The following ADARB2 variants were observed in gnomAD, a reference collection of about 807,000 sequenced individuals.
The protein encoded by ADARB2 is adenosine deaminase RNA specific B2 (inactive), also known as inactive double-stranded RNA-specific editase B2.
In ADARB2, 25 loss-of-function variants were observed where a neutral mutation model predicts 62.2. That is an observed-to-expected ratio of 0.40 (90% CI 0.29 to 0.56). ADARB2 has a LOEUF of 0.56. Ranked by LOEUF, ADARB2 falls within the 20% of genes least tolerant of loss-of-function variation. The pLI, the probability that ADARB2 is intolerant of heterozygous loss-of-function variation, is 0.43. For missense variants in ADARB2, 1,071 were observed against 1,077.4 expected (o/e 0.99, Z 0.08); for synonymous variants, 572 against 500.8 (o/e 1.14, Z -1.90).
At chr10:1,394,670 C>T (rs567610894) in intron 1 of ADARB2, among the ~76,000 whole-genome samples, 3 of 152,300 alleles carry the variant, frequency 2.0e-5, no homozygotes, top group East Asian at 3.9e-4. Context: ...GCAAGTCAGG[C>T]CCACTGGGCT....
chr10:1,242,636 C>G (rs568311644), intron 4 of ADARB2, among the ~76,000 whole-genome samples: 4 of 152,322 alleles, frequency 2.6e-5, no homozygotes, highest in African/African-American at 9.6e-5. Context: ...AGTCCCAGGT[C>G]CCCTGTGAGT....
At chr10:1,279,480 T>G (rs1209942795) in intron 3 of ADARB2, among the ~76,000 whole-genome samples, 2 of 152,200 alleles carry the variant, frequency 1.3e-5, no homozygotes, top group Non-Finnish European at 2.9e-5. Flanking sequence ...CATACCTGGC[T>G]AATTTTTCAG....
intron 6 of ADARB2, among the ~76,000 whole-genome samples, chr10:1,217,377 T>C (rs1213456718): frequency 1.3e-5 from 2 of 152,176 alleles, no homozygotes; most frequent in African/African-American, 4.8e-5. Context: ...AGACTCTCTT[T>C]TCACCAACAC....
intron 1 of ADARB2, among the ~76,000 whole-genome samples, chr10:1,668,203 C>T (rs1834337449): frequency 1.3e-5 from 2 of 152,224 alleles, no homozygotes. Context: ...GGTTCAGTCT[C>T]TCTCTCCGGT....
intron 8 of ADARB2, among the ~76,000 whole-genome samples, chr10:1,185,586 C>T (rs1176747147): frequency 6.6e-6 from 1 of 152,210 alleles, no homozygotes; most frequent in Non-Finnish European, 1.5e-5. Context: ...GCACTGGCTA[C>T]AGAGTGTTTG....
At chr10:1,519,291 T>C (rs984382206) in intron 1 of ADARB2, among the ~76,000 whole-genome samples, 3 of 152,204 alleles carry the variant, frequency 2.0e-5, no homozygotes, top group African/African-American at 7.2e-5. Context: ...GCATTCCATG[T>C]AACATCTGCA....
intron 4 of ADARB2, among the ~76,000 whole-genome samples, chr10:1,268,920 C>G (rs578204868): frequency 6.6e-6 from 1 of 152,178 alleles, no homozygotes; most frequent in Non-Finnish European, 1.5e-5. Flanking sequence ...TACTATTTTC[C>G]ACATGAAGTT....
Position 1,516,549 on chromosome 10 carries a change from G to C in ADARB2, c.101-137389C>G, listed in dbSNP as rs118140723. On this transcript the variant is annotated intron_variant, in intron 1 of 9. Transcript: ENST00000381312. ...CTGTGTGGGCTGCTCTGCTCTGTGC[G>C]GGCTGCTGTGTGCTGTGCGGGCTGC... 2.6e-5 allele frequency among the ~76,000 whole-genome samples: 4 copies of C among 151,654 alleles called. No homozygotes were observed. The South Asian group carries it at 6.4e-4, about 24-fold the overall frequency.
At chr10:1,736,443 A>C (rs1383766669) in intron 1 of ADARB2, among the ~76,000 whole-genome samples, 2 of 152,054 alleles carry the variant, frequency 1.3e-5, no homozygotes, top group Admixed American at 6.6e-5. Context: ...TTTTTCTACC[A>C]CTAACAAAAT....
chr10:1,695,787 T>C (rs1834733575), intron 1 of ADARB2, among the ~76,000 whole-genome samples: 1 of 152,090 alleles, frequency 6.6e-6, no homozygotes. Context: ...TGCATACACA[T>C]GGGTGCATGT....
intron 1 of ADARB2, among the ~76,000 whole-genome samples, chr10:1,513,299 C>G (rs1466233449): frequency 6.6e-6 from 1 of 152,312 alleles, no homozygotes; most frequent in South Asian, 2.1e-4. Context: ...AATGACAAAG[C>G]GTAACTAGAA....
intron 1 of ADARB2, among the ~76,000 whole-genome samples, chr10:1,565,855 T>A: frequency 6.6e-6 from 1 of 152,056 alleles, no homozygotes; most frequent in Non-Finnish European, 1.5e-5. Context: ...TTCACGCGCT[T>A]CTCCGTGGTG....
chr10:1,418,632 A>G (rs993943101), intron 1 of ADARB2, among the ~76,000 whole-genome samples: 9 of 152,192 alleles, frequency 5.9e-5, no homozygotes, highest in Non-Finnish European at 1.2e-4. Context: ...TTCCGCTATT[A>G]TCTTTCACAC....
chr10:1,468,952 G>T (rs949665392), intron 1 of ADARB2, among the ~76,000 whole-genome samples: 1 of 152,180 alleles, frequency 6.6e-6, no homozygotes, highest in Admixed American at 6.5e-5. Flanking sequence ...AGCTTAGAAC[G>T]TCGGGGTGTC....
intron 1 of ADARB2, among the ~76,000 whole-genome samples, chr10:1,403,402 A>AAGG (rs992961861): frequency 2.7e-4 from 41 of 152,324 alleles, no homozygotes; most frequent in African/African-American, 9.9e-4. Flanking sequence ...ATGCAGGAGC[A>AAGG]AGGCTAAGCT....
intron 8 of ADARB2, among the ~76,000 whole-genome samples, chr10:1,195,148 C>T (rs1836892535): frequency 6.6e-6 from 1 of 152,174 alleles, no homozygotes; most frequent in Admixed American, 6.5e-5. Context: ...CTCAGGGACT[C>T]TTACAGGAAA....
chr10:1,655,109 C>T (rs1834158087), intron 1 of ADARB2, among the ~76,000 whole-genome samples: 1 of 152,214 alleles, frequency 6.6e-6, no homozygotes, highest in Non-Finnish European at 1.5e-5. Flanking sequence ...CCAGCAGGGG[C>T]AGGGTTAGCC....
chr10:1,304,720 T>A (rs1831609621), intron 3 of ADARB2, among the ~76,000 whole-genome samples: 1 of 147,816 alleles, frequency 6.8e-6, no homozygotes, highest in Non-Finnish European at 1.5e-5. Flanking sequence ...GGATTAAGAA[T>A]CTCACTCAAA....
intron 8 of ADARB2, among the ~76,000 whole-genome samples, chr10:1,189,496 GA>G (rs1378164762): frequency 6.6e-6 from 1 of 152,100 alleles, no homozygotes; most frequent in African/African-American, 2.4e-5. Flanking sequence ...GCCTAGAAAT[GA>G]AAGCCTGGCT....
Sources: gnomAD v4.1 joint callset for allele counts (sites outside exome capture counted in the v4.1 genomes callset) on GRCh38, gnomAD v4.1.1 for gene constraint, MANE v1.5 for transcripts, NCBI Gene and HGNC (gene_info 2026-07-23, HGNC 2026-07-21) for gene names.